TPGS1: variants seen among roughly 807,000 people sequenced by gnomAD.
TPGS1 encodes gene trap ROSA b-geo 22.
TPGS1 carries 18 observed loss-of-function variants against 11.9 expected under a neutral mutation model. That is an observed-to-expected ratio of 1.51 (90% CI 1.04 to 2.24). The LOEUF is 2.24. Ranked by LOEUF, TPGS1 falls within the 30% of genes most tolerant of loss-of-function variation. The pLI, the probability that TPGS1 is intolerant of heterozygous loss-of-function variation, is 0.00. For synonymous variants in TPGS1, 247 were observed against 218.2 expected (o/e 1.13, Z -1.16); for missense variants, 500 against 443.0 (o/e 1.13, Z -1.16).
intron 1 of TPGS1, among the ~76,000 whole-genome samples, chr19:517,986 T>C (rs1600404805): frequency 2.2e-5 from 1 of 45,964 alleles, no homozygotes; most frequent in African/African-American, 9.8e-5. Flanking sequence ...AGGAGGGAGA[T>C]CCAGGTTGGG....
chr19:507,789 C>T lies in TPGS1; in HGVS notation c.283C>T (p.Gln95Ter). ...GCCCCCGGGCCAGCTCCTGCTGCAG[C>T]AGCAGCGCCTGGGCCGCGCGCTATG... ...GEPPGQLLLQ[Q>*]QRLGRALWHL... Residue 95 changes from glutamine (Q) to a stop codon, truncating the protein, a stop_gained, in exon 1 of 2, where the codon CAG (glutamine) becomes TAG (stop). Coordinates refer to ENST00000359315, the MANE Select transcript of TPGS1 (RefSeq NM_033513.3). LOFTEE classifies it high-confidence loss of function. 1 of 1,387,416 alleles carries T rather than the reference C, an allele frequency of 7.2e-7. No homozygotes were observed. Among genetic ancestry groups the T allele is most frequent in the Non-Finnish European group, 9.3e-7 (1 of 1,073,860 alleles). 85.9% of individuals were successfully genotyped at this position (1,387,416 alleles called of 1,614,324 possible).
intron 1 of TPGS1, among the ~76,000 whole-genome samples, chr19:514,333 C>T (rs766609515): frequency 7.9e-5 from 12 of 151,622 alleles, no homozygotes; most frequent in Non-Finnish European, 1.5e-4. Context: ...ACCGACCCCA[C>T]GTTTACTAAG....
intron 1 of TPGS1, among the ~76,000 whole-genome samples, chr19:514,786 C>T (rs1362751372): frequency 6.6e-6 from 1 of 152,188 alleles, no homozygotes; most frequent in Admixed American, 6.5e-5. Flanking sequence ...AGGCCACTAG[C>T]ATGAGGCCTG....
At position 519,059 on chromosome 19, in the gene TPGS1, G is replaced by T. The variant is rs1342558528; in HGVS notation, c.509G>T (p.Cys170Phe). ...GCGCCGCTGCTGCGCAAGGTGCAGT[G>T]CCGTGACCACGAGGCGGTGCCGCTG... ...VVAPLLRKVQCRDHEAVPLSV... is the reference protein window; with the variant it reads ...VVAPLLRKVQFRDHEAVPLSV... Residue 170 changes from cysteine (C) to phenylalanine (F), a missense_variant, in exon 2 of 2, where the codon TGC becomes TTC. Cys to Phe is a radical substitution (Grantham distance 205, BLOSUM62 -2). Transcript: ENST00000359315. The T allele has an allele frequency of 1.3e-6, 2 of 1,540,866 alleles. No individual in the cohort carries two copies. The highest frequency in any genetic ancestry group is 1.2e-5 in the South Asian group (1 of 84,138).
chr19:509,546 G>A (rs1195717621), intron 1 of TPGS1: 3 of 152,342 alleles, frequency 2.0e-5, no homozygotes, highest in Non-Finnish European at 4.4e-5. Context: ...CTCCAGGGAA[G>A]GAGCCTTCCT....
At chr19:517,220 G>T (rs1007939445) in intron 1 of TPGS1, among the ~76,000 whole-genome samples, 1 of 149,810 alleles carries the variant, frequency 6.7e-6, no homozygotes, top group African/African-American at 2.5e-5. Context: ...GTCAGGGGAG[G>T]CGACATTTGA....
intron 1 of TPGS1, among the ~76,000 whole-genome samples, chr19:510,698 G>GCC (rs553284267): frequency 6.6e-6 from 1 of 152,214 alleles, no homozygotes; most frequent in African/African-American, 2.4e-5. Flanking sequence ...GGGTCAGAGA[G>GCC]CCCCAGAGTG....
At chr19:516,429 G>C (rs1384643386) in intron 1 of TPGS1, among the ~76,000 whole-genome samples, 4 of 149,824 alleles carry the variant, frequency 2.7e-5, no homozygotes, top group African/African-American at 9.9e-5. Flanking sequence ...CTGTCGCCCA[G>C]GCTGGAGTGC....
chr19:510,642 G>A (rs1978766563), intron 1 of TPGS1, among the ~76,000 whole-genome samples: 1 of 152,190 alleles, frequency 6.6e-6, no homozygotes. Context: ...ACACACAGAC[G>A]TTACATGACT....
rs1370304240 is a variant in TPGS1 at position 507,790 on chromosome 19, A to G, written c.284A>G (p.Gln95Arg). ...CCCCCGGGCCAGCTCCTGCTGCAGC[A>G]GCAGCGCCTGGGCCGCGCGCTATGG... ...GEPPGQLLLQ[Q>R]QRLGRALWHL... is the part of the protein sequence containing the mutation. Residue 95 changes from glutamine (Q) to arginine (R), a missense_variant, in exon 1 of 2, where the codon CAG (glutamine) becomes CGG (arginine). By Grantham distance (43) the Gln-to-Arg change is conservative (BLOSUM62 1). Transcript: ENST00000359315. The G allele has an allele frequency of 7.2e-7, 1 of 1,386,964 alleles. No homozygotes were observed. The allele number at this position is 1,386,964 out of a possible 1,614,324, so 85.9% of individuals were successfully genotyped here.
At chr19:516,569 G>C (rs1284361460) in intron 1 of TPGS1, among the ~76,000 whole-genome samples, 1 of 152,138 alleles carries the variant, frequency 6.6e-6, no homozygotes, top group African/African-American at 2.4e-5. Context: ...ATTTTTAGTA[G>C]AGATGGGGTT....
intron 1 of TPGS1, among the ~76,000 whole-genome samples, chr19:516,865 C>T (rs1046612924): frequency 2.6e-5 from 4 of 152,198 alleles, no homozygotes; most frequent in African/African-American, 9.7e-5. Flanking sequence ...TGTTAACATT[C>T]TCTTTTAACT....
chr19:516,000 C>A (rs1384248273), intron 1 of TPGS1, among the ~76,000 whole-genome samples: 1 of 150,600 alleles, frequency 6.6e-6, no homozygotes, highest in African/African-American at 2.4e-5. Flanking sequence ...CCACTGCACT[C>A]CAGCCCGGGC....
intron 1 of TPGS1, 23 bp from the exon 2 acceptor site, chr19:518,866 C>T (rs1299434383): frequency 3.4e-6 from 5 of 1,489,136 alleles, no homozygotes; most frequent in Non-Finnish European, 4.4e-6. Context: ...CTCTGCCGGC[C>T]CCCAACGTCC....
At chr19:512,468 C>T (rs1568322278) in intron 1 of TPGS1, among the ~76,000 whole-genome samples, 1 of 152,214 alleles carries the variant, frequency 6.6e-6, no homozygotes, top group African/African-American at 2.4e-5. Context: ...CCCACCCACC[C>T]CCCACCAAGG....
At chr19:508,978 G>T (rs990727757) in intron 1 of TPGS1, 1 of 152,374 alleles carries the variant, frequency 6.6e-6, no homozygotes, top group Non-Finnish European at 1.5e-5. Flanking sequence ...CAGAGGGTCA[G>T]TGGAGCCGTT....
In TPGS1 at chr19:507,673, T is replaced by C. The variant is rs1978660390; in HGVS notation, c.167T>C (p.Leu56Pro). ...CTACGTGCGGCCCTGCTGAAGGTGC[T>C]GGAGGCGCGGCCCGAGGAGCCGATC... The part of the protein sequence containing the change: ...EMLRAALLKV[L>P]EARPEEPIAF... The change falls in exon 1 of 2, where the codon CTG becomes CCG. Residue 56 changes from leucine (L) to proline (P), a missense_variant. Physicochemically the swap from Leu to Pro is moderately conservative, Grantham distance 98 (BLOSUM62 -3). Coordinates refer to ENST00000359315, the MANE Select transcript of TPGS1 (RefSeq NM_033513.3). 9 of 1,384,482 alleles carry C rather than the reference T, an allele frequency of 6.5e-6. No individual in the cohort carries two copies. The highest frequency in any genetic ancestry group is 8.5e-6 in the Non-Finnish European group (9 of 1,058,168). 85.8% of individuals were successfully genotyped at this position (1,384,482 alleles called of 1,614,324 possible).
intron 1 of TPGS1, chr19:510,457 A>T (rs1418002956): frequency 6.6e-6 from 1 of 151,716 alleles, no homozygotes; most frequent in Non-Finnish European, 1.5e-5. Context: ...TGAGGGGCTG[A>T]CTGGGGCTGC....
intron 1 of TPGS1, among the ~76,000 whole-genome samples, chr19:514,341 A>C (rs1052958497): frequency 7.5e-6 from 1 of 134,024 alleles, no homozygotes; most frequent in Non-Finnish European, 1.6e-5. Flanking sequence ...CACGTTTACT[A>C]AGCACCTATT....
Sources: gnomAD v4.1 joint callset for allele counts (sites outside exome capture counted in the v4.1 genomes callset) on GRCh38, gnomAD v4.1.1 for gene constraint, MANE v1.5 for transcripts, NCBI Gene and HGNC (gene_info 2026-07-23, HGNC 2026-07-21) for gene names.